Variants in ANK3 observed in about 807,000 individuals in gnomAD.
ANK3 encodes ankyrin 3.
Under a neutral mutation model 370.9 loss-of-function variants are expected in ANK3, and 57 were observed. The observed-to-expected ratio is 0.15, with a 90% confidence interval of 0.12 to 0.19. The LOEUF (loss-of-function observed/expected upper bound fraction) is 0.19. Ranked by LOEUF, ANK3 falls within the 10% of genes least tolerant of loss-of-function variation. The pLI is 1.00. For synonymous variants in ANK3, 1,929 were observed against 1,946.3 expected, an observed-to-expected ratio of 0.99 and a Z score of 0.23; for missense variants, 4,439 against 5,302.1, an observed-to-expected ratio of 0.84 and a Z score of 5.06.
At chr10:60,123,750 G>C (rs1385164128) in intron 25 of ANK3, among the ~76,000 whole-genome samples, 2 of 152,178 alleles carry the variant, frequency 1.3e-5, no homozygotes, top group Non-Finnish European at 2.9e-5. Context: ...GCAACACTCA[G>C]TGCAACAATT....
chr10:60,084,757 A>G lies in ANK3; in HGVS notation c.3919T>C (p.Cys1307Arg), dbSNP rs761127387. The G allele has an allele frequency of 3.2e-5, 52 of 1,612,410 alleles. No individual in the cohort carries two copies. The highest frequency in any genetic ancestry group is 4.2e-5 in the Non-Finnish European group (50 of 1,179,518). The part of the protein sequence containing the change: ...LATQLYRELI[C>R]VPYMAKFVVF... ...ACAAACTTGGCCATATATGGAACACATATCAATTCTCTGTACAGTTGCGTG... is the reference window on the plus strand; with the variant it reads ...ACAAACTTGGCCATATATGGAACACGTATCAATTCTCTGTACAGTTGCGTG... The change falls in exon 32 of 44, where the codon TGT becomes CGT. Residue 1307 changes from cysteine to arginine, a missense_variant. Coordinates refer to ENST00000280772, the MANE Select transcript of ANK3 (RefSeq NM_020987.5).
chr10:60,157,539 G>A (rs1216318389), intron 23 of ANK3, among the ~76,000 whole-genome samples: 1 of 151,858 alleles, frequency 6.6e-6, no homozygotes, highest in African/African-American at 2.4e-5. Context: ...GTCTCCCTAT[G>A]TTGCCCAAGC....
chr10:60,422,468 C>A (rs2063798766), intron 2 of ANK3, among the ~76,000 whole-genome samples: 1 of 151,958 alleles, frequency 6.6e-6, no homozygotes. Context: ...TAAAGATCTG[C>A]CTAAAATATT....
chr10:60,566,718 A>G (rs1345136787), intron 2 of ANK3, among the ~76,000 whole-genome samples: 2 of 152,174 alleles, frequency 1.3e-5, no homozygotes, highest in Non-Finnish European at 2.9e-5. Context: ...ACACACAAAA[A>G]TAAAAAAGTT....
chr10:60,147,655 G>C (rs1193988710), intron 23 of ANK3, among the ~76,000 whole-genome samples: 2 of 152,126 alleles, frequency 1.3e-5, no homozygotes, highest in Non-Finnish European at 2.9e-5. Context: ...TAGTGAGTGA[G>C]TGAGTTATCA....
intron 1 of ANK3, among the ~76,000 whole-genome samples, chr10:60,321,017 G>A (rs989799541): frequency 6.6e-6 from 1 of 152,076 alleles, no homozygotes; most frequent in African/African-American, 2.4e-5. Flanking sequence ...GGACAAAAAG[G>A]TATTCCTTCC....
At chr10:60,447,816 C>A (rs189985883) in intron 2 of ANK3, among the ~76,000 whole-genome samples, 1 of 152,220 alleles carries the variant, frequency 6.6e-6, no homozygotes, top group East Asian at 1.9e-4. Context: ...AGATACGCAA[C>A]CCTCCTTGAG....
At chr10:60,509,517 CTG>C (rs1465136279) in intron 2 of ANK3, among the ~76,000 whole-genome samples, 2 of 152,002 alleles carry the variant, frequency 1.3e-5, no homozygotes, top group African/African-American at 4.8e-5. Context: ...CATATAATGT[CTG>C]TATTTTGTGT....
At chr10:60,287,069 G>A (rs1266514340) in intron 1 of ANK3, among the ~76,000 whole-genome samples, 1 of 151,970 alleles carries the variant, frequency 6.6e-6, no homozygotes, top group Non-Finnish European at 1.5e-5. Context: ...TCTTATACTG[G>A]GGGCTCACCA....
At chr10:60,469,010 T>C (rs2065082574) in intron 2 of ANK3, among the ~76,000 whole-genome samples, 2 of 107,284 alleles carry the variant, frequency 1.9e-5, no homozygotes, top group African/African-American at 3.2e-5. Flanking sequence ...TATATATATA[T>C]ATATATATAC....
intron 1 of ANK3, among the ~76,000 whole-genome samples, chr10:60,354,150 T>C (rs1276822014): frequency 6.6e-6 from 1 of 152,250 alleles, no homozygotes; most frequent in Non-Finnish European, 1.5e-5. Context: ...TGTTTCAGAA[T>C]TGTGAAAATC....
intron 2 of ANK3, among the ~76,000 whole-genome samples, chr10:60,525,075 T>C (rs200318973): frequency 1.3e-5 from 2 of 152,148 alleles, no homozygotes; most frequent in East Asian, 3.9e-4. Flanking sequence ...TTAATTTCTT[T>C]GTAGAAATTC....
At chr10:60,444,429 C>CGTGTGT (rs374472777) in intron 2 of ANK3, among the ~76,000 whole-genome samples, 20,558 of 147,904 alleles carry the variant, frequency 0.14, 1,513 homozygotes, top group African/African-American at 0.2. Flanking sequence ...ATATAACATA[C>CGTGTGT]GTGTGTGTGT....
At chr10:60,215,006 C>T (rs2096914410) in intron 8 of ANK3, among the ~76,000 whole-genome samples, 1 of 152,184 alleles carries the variant, frequency 6.6e-6, no homozygotes. Context: ...TATTTCTTCA[C>T]AGCCTCCCCA....
intron 1 of ANK3, among the ~76,000 whole-genome samples, chr10:60,366,660 G>A (rs200773933): frequency 6.6e-6 from 1 of 152,042 alleles, no homozygotes; most frequent in African/African-American, 2.4e-5. Context: ...AGGAAAGAGG[G>A]GAGGCAGGGA....
chr10:60,213,335 A>G (rs961262417), intron 9 of ANK3, 77 bp downstream of exon 9: 14 of 954,254 alleles, frequency 1.5e-5, no homozygotes, highest in African/African-American at 1.5e-4. Flanking sequence ...GTCATTTTCT[A>G]TGTGATTCAA....
intron 1 of ANK3, among the ~76,000 whole-genome samples, chr10:60,349,811 C>T (rs768146016): frequency 7.9e-4 from 120 of 152,320 alleles, no homozygotes; most frequent in Non-Finnish European, 1.2e-3. Flanking sequence ...GAATAAGAAA[C>T]TTCAGAGCAA....
At chr10:60,629,841 A>C (rs577712101) in intron 1 of ANK3, among the ~76,000 whole-genome samples, 1 of 152,312 alleles carries the variant, frequency 6.6e-6, no homozygotes, top group Admixed American at 6.5e-5. Context: ...ACAGACTCAT[A>C]CTTTTTTATG....
intron 38 of ANK3, among the ~76,000 whole-genome samples, chr10:60,065,721 G>T (rs2081509011): frequency 6.6e-6 from 1 of 152,138 alleles, no homozygotes; most frequent in Non-Finnish European, 1.5e-5. Flanking sequence ...AATAAAATCA[G>T]ATCTCCCCGG....
Sources: gnomAD v4.1 joint callset for allele counts (sites outside exome capture counted in the v4.1 genomes callset) on GRCh38, gnomAD v4.1.1 for gene constraint, MANE v1.5 for transcripts, NCBI Gene and HGNC (gene_info 2026-07-23, HGNC 2026-07-21) for gene names.